ST6GALNAC3: variants seen among roughly 807,000 people sequenced by gnomAD.
The protein encoded by ST6GALNAC3 is ST6 N-acetylgalactosaminide alpha-2,6-sialyltransferase 3.
ST6GALNAC3 carries 25 observed loss-of-function variants against 32.7 expected under a neutral mutation model. That is an observed-to-expected ratio of 0.76 (90% confidence interval 0.56 to 1.07). ST6GALNAC3 has a LOEUF of 1.07. Ranked by LOEUF, ST6GALNAC3 falls within the 50% of genes least tolerant of loss-of-function variation. ST6GALNAC3 has a pLI of 0.00. For missense variants in ST6GALNAC3, 355 were observed against 382.4 expected (o/e 0.93, Z 0.60); for synonymous variants, 129 against 133.1 (o/e 0.97, Z 0.21).
chr1:76,270,752 A>G (rs1440549333), intron 1 of ST6GALNAC3, among the ~76,000 whole-genome samples: 2 of 152,002 alleles, frequency 1.3e-5, no homozygotes, highest in Non-Finnish European at 2.9e-5. Flanking sequence ...CAGATAGAAA[A>G]TGTCCATCCT....
chr1:76,491,897 A>G lies in ST6GALNAC3; in HGVS notation c.623+79480A>G, dbSNP rs779527227. On this transcript the variant is annotated intron_variant, in intron 3 of 4. Coordinates refer to ENST00000328299, the MANE Select transcript of ST6GALNAC3 (RefSeq NM_152996.4). Reference sequence around the variant, plus strand: ...ACAAGCCATGTAATTAGTTTTTGTTATCTCTTTTTCAAGTCCTACAGGCTG... The same window carrying G: ...ACAAGCCATGTAATTAGTTTTTGTTGTCTCTTTTTCAAGTCCTACAGGCTG... Among the ~76,000 whole-genome samples the G allele has an allele frequency of 3.9e-4, 59 of 152,130 alleles. 1 individual carries two copies. The highest frequency in any genetic ancestry group is 1.2e-3 in the Admixed American group (18 of 15,270).
At chr1:76,144,801 C>T (rs573842589) in intron 1 of ST6GALNAC3, among the ~76,000 whole-genome samples, 1 of 152,320 alleles carries the variant, frequency 6.6e-6, no homozygotes, top group Non-Finnish European at 1.5e-5. Context: ...ATGAATTTCT[C>T]AAACATTGGT....
At chr1:76,270,617 A>G (rs1373458546) in intron 1 of ST6GALNAC3, among the ~76,000 whole-genome samples, 1 of 151,892 alleles carries the variant, frequency 6.6e-6, no homozygotes, top group Admixed American at 6.6e-5. Context: ...ACCCAGTTAT[A>G]ATGAAACTGA....
intron 2 of ST6GALNAC3, among the ~76,000 whole-genome samples, chr1:76,318,309 C>T (rs1646905065): frequency 6.6e-6 from 1 of 152,106 alleles, no homozygotes; most frequent in South Asian, 2.1e-4. Context: ...TTGGCTTTAA[C>T]TCTTTACCTT....
At chr1:76,136,452 A>C (rs576348847) in intron 1 of ST6GALNAC3, among the ~76,000 whole-genome samples, 48 of 152,300 alleles carry the variant, frequency 3.2e-4, no homozygotes, top group Middle Eastern at 3.4e-3. Flanking sequence ...AATCTAATTA[A>C]GTGGCGTCTT....
chr1:76,447,009 G>A (rs770170841), intron 3 of ST6GALNAC3, among the ~76,000 whole-genome samples: 1 of 152,172 alleles, frequency 6.6e-6, no homozygotes, highest in Non-Finnish European at 1.5e-5. Context: ...TTGGAACTGG[G>A]TAACAGGAAG....
At chr1:76,472,527 G>A (rs1417123723) in intron 3 of ST6GALNAC3, among the ~76,000 whole-genome samples, 4 of 152,060 alleles carry the variant, frequency 2.6e-5, no homozygotes, top group Non-Finnish European at 2.9e-5. Flanking sequence ...GTGAGCTCCG[G>A]AAAGGGACCA....
At chr1:76,415,380 T>C (rs58074373) in intron 3 of ST6GALNAC3, among the ~76,000 whole-genome samples, 26,725 of 151,698 alleles carry the variant, frequency 0.18, 2,554 homozygotes, top group Middle Eastern at 0.3. Flanking sequence ...ATTTACCCTC[T>C]TATTCATTTG....
At chr1:76,340,926 C>T (rs1029656980) in intron 2 of ST6GALNAC3, among the ~76,000 whole-genome samples, 21 of 151,878 alleles carry the variant, frequency 1.4e-4, no homozygotes, top group African/African-American at 5.1e-4. Context: ...GTATTTCATC[C>T]TTCTTTATGC....
chr1:76,345,168 G>T (rs561699253), intron 2 of ST6GALNAC3, among the ~76,000 whole-genome samples: 1 of 152,106 alleles, frequency 6.6e-6, no homozygotes. Flanking sequence ...CTGCTTGTGG[G>T]ATCAGGCTCC....
intron 2 of ST6GALNAC3, among the ~76,000 whole-genome samples, chr1:76,318,139 G>A (rs1333677265): frequency 6.6e-6 from 1 of 152,040 alleles, no homozygotes; most frequent in Non-Finnish European, 1.5e-5. Flanking sequence ...GAGAGATGTG[G>A]TTTTGCTTAT....
intron 2 of ST6GALNAC3, among the ~76,000 whole-genome samples, chr1:76,385,165 G>A (rs1031504684): frequency 6.6e-6 from 1 of 152,038 alleles, no homozygotes; most frequent in Non-Finnish European, 1.5e-5. Flanking sequence ...AAATGCAGAA[G>A]CATTTTCTGG....
At chr1:76,519,485 A>G (rs555863206) in intron 3 of ST6GALNAC3, among the ~76,000 whole-genome samples, 182 of 152,272 alleles carry the variant, frequency 1.2e-3, no homozygotes, top group Admixed American at 2.8e-3. Flanking sequence ...TTTCTTTGAA[A>G]TGTGAGTAGT....
At chr1:76,120,090 C>G (rs1648770223) in intron 1 of ST6GALNAC3, among the ~76,000 whole-genome samples, 1 of 152,350 alleles carries the variant, frequency 6.6e-6, no homozygotes, top group Non-Finnish European at 1.5e-5. Flanking sequence ...TTTGAATTCT[C>G]TGACTGGACT....
chr1:76,315,831 G>A (rs1170135499), intron 2 of ST6GALNAC3, among the ~76,000 whole-genome samples: 1 of 152,062 alleles, frequency 6.6e-6, no homozygotes, highest in African/African-American at 2.4e-5. Context: ...GAGGTTCCCA[G>A]CTCCAAATTG....
intron 2 of ST6GALNAC3, among the ~76,000 whole-genome samples, chr1:76,378,666 C>CA (rs1411859645): frequency 3.0e-5 from 3 of 101,562 alleles, no homozygotes; most frequent in Non-Finnish European, 6.1e-5. Context: ...CCTTCCCCCC[C>CA]CCAAAAAAAA....
chr1:76,371,973 C>T (rs17098852), intron 2 of ST6GALNAC3, among the ~76,000 whole-genome samples: 1,820 of 152,214 alleles, frequency 0.012, 17 homozygotes, highest in Middle Eastern at 0.037. Flanking sequence ...AGATTTCTTC[C>T]GGGTTCATCT....
chr1:76,292,940 T>C (rs571912336), intron 1 of ST6GALNAC3, among the ~76,000 whole-genome samples: 2 of 152,268 alleles, frequency 1.3e-5, no homozygotes, highest in Admixed American at 6.5e-5. Flanking sequence ...AAAATAAACA[T>C]GTCAACTCCC....
intron 1 of ST6GALNAC3, among the ~76,000 whole-genome samples, chr1:76,115,528 G>A (rs927856063): frequency 6.6e-6 from 1 of 152,192 alleles, no homozygotes; most frequent in African/African-American, 2.4e-5. Flanking sequence ...TTTGATTTTA[G>A]GTTAAAAAGA....
Sources: allele counts gnomAD v4.1 joint callset (sites outside exome capture counted in the v4.1 genomes callset), GRCh38; gene constraint gnomAD v4.1.1; transcripts MANE v1.5; gene names NCBI Gene and HGNC (gene_info 2026-07-23, HGNC 2026-07-21).